The following ESR1 variants were observed in gnomAD, a reference collection of about 807,000 sequenced individuals.
ESR1 encodes estrogen receptor.
ESR1 carries 12 observed loss-of-function variants against 52.7 expected under a neutral mutation model. The ratio of observed to expected loss-of-function variants is 0.23; its 90% CI spans 0.15 to 0.37. The LOEUF is 0.37. Ranked by LOEUF, ESR1 falls within the 10% of genes least tolerant of loss-of-function variation. The pLI, the probability that ESR1 is intolerant of heterozygous loss-of-function variation, is 1.00. For synonymous variants in ESR1, 305 were observed against 316.8 expected, an observed-to-expected ratio of 0.96 and a Z score of 0.39; for missense variants, 584 against 779.7, an observed-to-expected ratio of 0.75 and a Z score of 2.99.
intron 2 of ESR1, among the ~76,000 whole-genome samples, chr6:151,876,943 A>G (rs1423213986): frequency 6.6e-6 from 1 of 151,688 alleles, no homozygotes; most frequent in African/African-American, 2.4e-5. Flanking sequence ...CTGGTCACAT[A>G]CATCGAGTCC....
intron 2 of ESR1, among the ~76,000 whole-genome samples, chr6:151,729,927 A>G (rs1281471473): frequency 6.6e-6 from 1 of 152,142 alleles, no homozygotes; most frequent in Non-Finnish European, 1.5e-5. Context: ...GTCTGTACAG[A>G]AAAAAAGAAA....
chr6:151,743,418 C>A (rs1344363097), intron 2 of ESR1, among the ~76,000 whole-genome samples: 2 of 152,176 alleles, frequency 1.3e-5, no homozygotes, highest in African/African-American at 4.8e-5. Flanking sequence ...ACTCTATTTA[C>A]TGAGTGCTTT....
At chr6:151,945,240 C>CA (rs1348775612) in intron 4 of ESR1, among the ~76,000 whole-genome samples, 1 of 151,986 alleles carries the variant, frequency 6.6e-6, no homozygotes, top group African/African-American at 2.4e-5. Context: ...ATAAACCACA[C>CA]AAAAAAAGAG....
Position 152,099,139 on chromosome 6 carries a change from CT to C in ESR1, c.*174del, listed in dbSNP as rs2050868433. On this transcript the variant is annotated 3_prime_UTR_variant, in exon 8 of 8. Transcript: ENST00000206249. ...TGCTCAGTTCTTAGTGGCACATCTT[CT>C]GTCTTCTGTTGGGAACAGCCAAAGG... The C allele has an allele frequency of 3.1e-6, 2 of 647,700 alleles. No individual in the cohort carries two copies. Among genetic ancestry groups the C allele is most frequent in the Non-Finnish European group, 5.6e-6 (2 of 356,872 alleles). The allele number at this position is 647,700 out of a possible 1,614,324, so 40.1% of individuals were successfully genotyped here.
chr6:151,719,206 G>A (rs1272196925), intron 2 of ESR1, among the ~76,000 whole-genome samples: 1 of 152,154 alleles, frequency 6.6e-6, no homozygotes, highest in Non-Finnish European at 1.5e-5. Context: ...ACACCTTGTG[G>A]TCTAGAATTT....
chr6:151,726,341 T>G (rs6940919), intron 2 of ESR1, among the ~76,000 whole-genome samples: 35,421 of 152,008 alleles, frequency 0.23, 4,228 homozygotes, highest in Non-Finnish European at 0.24. Flanking sequence ...ATTTTCTTTT[T>G]TTTTTTTTGA....
intron 2 of ESR1, among the ~76,000 whole-genome samples, chr6:151,850,664 C>T (rs1786506186): frequency 6.6e-6 from 1 of 152,110 alleles, no homozygotes; most frequent in Non-Finnish European, 1.5e-5. Flanking sequence ...TGCCACCAGC[C>T]CCTCCTTCTG....
intron 1 of ESR1, among the ~76,000 whole-genome samples, chr6:151,662,784 A>T (rs1238587204): frequency 6.6e-6 from 1 of 152,250 alleles, no homozygotes; most frequent in Non-Finnish European, 1.5e-5. Context: ...AATTAGTGGC[A>T]AAGAAGAGTT....
At chr6:151,978,679 T>A (rs1584607121) in intron 4 of ESR1, among the ~76,000 whole-genome samples, 2 of 152,116 alleles carry the variant, frequency 1.3e-5, no homozygotes, top group East Asian at 3.9e-4. Flanking sequence ...GAGTTCTCAA[T>A]GCCAACTGAA....
At chr6:152,088,667 C>T (rs947225451) in intron 6 of ESR1, among the ~76,000 whole-genome samples, 2 of 152,202 alleles carry the variant, frequency 1.3e-5, no homozygotes, top group Non-Finnish European at 2.9e-5. Context: ...TGTGAGCCAT[C>T]TCGGGACCCC....
chr6:152,055,595 G>A (rs1030969447), intron 5 of ESR1, among the ~76,000 whole-genome samples: 2 of 152,140 alleles, frequency 1.3e-5, no homozygotes, highest in Non-Finnish European at 2.9e-5. Flanking sequence ...AATCTTGTAA[G>A]GCCATTTATC....
intron 1 of ESR1, among the ~76,000 whole-genome samples, chr6:151,812,078 A>G (rs1442637251): frequency 1.3e-5 from 2 of 152,104 alleles, no homozygotes; most frequent in Non-Finnish European, 2.9e-5. Context: ...TTAGTTTCTT[A>G]TAGTTTTAAG....
intron 6 of ESR1, among the ~76,000 whole-genome samples, chr6:152,110,862 G>A (rs894615534): frequency 6.6e-6 from 1 of 152,106 alleles, no homozygotes; most frequent in African/African-American, 2.4e-5. Flanking sequence ...TTGTCTTTCT[G>A]GTGGGCAGCC....
intron 5 of ESR1, among the ~76,000 whole-genome samples, chr6:152,028,390 C>T (rs985697775): frequency 6.6e-6 from 1 of 152,198 alleles, no homozygotes. Flanking sequence ...AATTCCCTTT[C>T]CTAGCCAAGG....
intron 2 of ESR1, among the ~76,000 whole-genome samples, chr6:151,726,288 C>T (rs1184664623): frequency 1.3e-5 from 2 of 151,946 alleles, no homozygotes; most frequent in East Asian, 1.9e-4. Context: ...TCTTTCGTTA[C>T]ATTTGTTCAT....
chr6:151,847,805 A>G (rs1450601828), intron 2 of ESR1, among the ~76,000 whole-genome samples: 1 of 145,226 alleles, frequency 6.9e-6, no homozygotes, highest in Admixed American at 7.0e-5. Context: ...TTGGACATGA[A>G]GTCCTTGCCC....
chr6:151,839,878 T>C (rs971013779), intron 1 of ESR1, among the ~76,000 whole-genome samples: 1 of 152,140 alleles, frequency 6.6e-6, no homozygotes, highest in African/African-American at 2.4e-5. Flanking sequence ...TGAAGACTGG[T>C]TGCACGATGA....
chr6:152,045,060 G>T (rs2046118491), intron 5 of ESR1, among the ~76,000 whole-genome samples: 1 of 152,222 alleles, frequency 6.6e-6, no homozygotes, highest in Non-Finnish European at 1.5e-5. Flanking sequence ...TAACTGCCAA[G>T]TGAGAGAGGT....
chr6:151,904,136 TGTCA>T (rs1204826196), intron 3 of ESR1, among the ~76,000 whole-genome samples: 1 of 152,242 alleles, frequency 6.6e-6, no homozygotes, highest in African/African-American at 2.4e-5. Context: ...TTGCTGTCTC[TGTCA>T]CTTTCTCACT....
Sources: gnomAD v4.1 joint callset for allele counts (sites outside exome capture counted in the v4.1 genomes callset) on GRCh38, gnomAD v4.1.1 for gene constraint, MANE v1.5 for transcripts, NCBI Gene and HGNC (gene_info 2026-07-23, HGNC 2026-07-21) for gene names.